ARHGEF3: variants seen among roughly 807,000 people sequenced by gnomAD.
The protein encoded by ARHGEF3 is Rho guanine nucleotide exchange factor 3, also known as 59.8 kDA protein.
Under a neutral mutation model 63.2 loss-of-function variants are expected in ARHGEF3, and 28 were observed. The ratio of observed to expected loss-of-function variants is 0.44; its 90% CI spans 0.33 to 0.61. The LOEUF (loss-of-function observed/expected upper bound fraction) is 0.61. Among genes scored for constraint, ARHGEF3 ranks in the 20% least tolerant of loss-of-function variants. The probability of loss-of-function intolerance (pLI) is 0.03; values close to 1 mark genes in which losing one functional copy is unlikely to be tolerated. For synonymous variants in ARHGEF3, 266 were observed against 254.2 expected (o/e 1.05, Z -0.44); for missense variants, 533 against 659.3 (o/e 0.81, Z 2.10).
intron 3 of ARHGEF3, among the ~76,000 whole-genome samples, chr3:56,895,250 G>A (rs976785654): frequency 1.3e-5 from 2 of 152,042 alleles, no homozygotes; most frequent in Admixed American, 6.6e-5. Context: ...GATTCTCTAC[G>A]GACTATCGCC....
chr3:56,989,637 G>T (rs1244047704), intron 2 of ARHGEF3, among the ~76,000 whole-genome samples: 2 of 152,132 alleles, frequency 1.3e-5, no homozygotes, highest in Non-Finnish European at 2.9e-5. Flanking sequence ...TCAAGCCCAG[G>T]ACAGCACTCA....
rs375632584 is a variant in ARHGEF3, at chr3:57,028,014, A to G, written c.62+7074T>C. On this transcript the variant is annotated intron_variant, in intron 2 of 12. Transcript: ENST00000338458. ...GAGATATCATCTCACATCAGTTAGA[A>G]TGGCAATCATTAAAAAGTCAGGAAA... 1.8e-4 allele frequency among the ~76,000 whole-genome samples: 27 copies of G among 152,068 alleles called. No individual in the cohort carries two copies. The East Asian group carries it at 2.1e-3, about 12-fold the overall frequency.
intron 2 of ARHGEF3, chr3:56,958,899 A>G (rs1216813117): frequency 1.4e-5 from 22 of 1,548,542 alleles, no homozygotes; most frequent in South Asian, 3.6e-5. Flanking sequence ...CCTAGAAGAG[A>G]AAAGACAATG....
chr3:56,884,497 C>G (rs1292404041), intron 3 of ARHGEF3, among the ~76,000 whole-genome samples: 2 of 152,212 alleles, frequency 1.3e-5, no homozygotes, highest in Admixed American at 1.3e-4. Flanking sequence ...TCCACTGAAA[C>G]AGTGGTGCAG....
At chr3:56,910,464 A>G (rs62251089) in intron 3 of ARHGEF3, among the ~76,000 whole-genome samples, 16,584 of 152,302 alleles carry the variant, frequency 0.11, 1,051 homozygotes, top group Middle Eastern at 0.15. Context: ...CAAAGCATGT[A>G]AAGTGGACCC....
At chr3:56,769,853 G>A (rs2035911774) in intron 2 of ARHGEF3, among the ~76,000 whole-genome samples, 2 of 152,180 alleles carry the variant, frequency 1.3e-5, no homozygotes, top group Non-Finnish European at 2.9e-5. Context: ...CCAGGGAAAA[G>A]GAATACTGCA....
At chr3:56,888,659 T>C (rs535428161) in intron 3 of ARHGEF3, among the ~76,000 whole-genome samples, 3 of 152,190 alleles carry the variant, frequency 2.0e-5, no homozygotes, top group South Asian at 2.1e-4. Context: ...TTCCAGCACA[T>C]TGGGAGGCCG....
chr3:56,760,640 T>A (rs1185286680), intron 2 of ARHGEF3, among the ~76,000 whole-genome samples: 1 of 152,168 alleles, frequency 6.6e-6, no homozygotes, highest in African/African-American at 2.4e-5. Context: ...AGGAGGAAAC[T>A]GAGGTTGAGG....
At chr3:56,760,428 G>A (rs1321145406) in intron 2 of ARHGEF3, among the ~76,000 whole-genome samples, 3 of 152,170 alleles carry the variant, frequency 2.0e-5, no homozygotes, top group Non-Finnish European at 4.4e-5. Flanking sequence ...TGGGAAAAAA[G>A]AGAGCAGTAA....
At chr3:56,770,003 T>G (rs546851547) in intron 2 of ARHGEF3, among the ~76,000 whole-genome samples, 1 of 152,302 alleles carries the variant, frequency 6.6e-6, no homozygotes, top group African/African-American at 2.4e-5. Flanking sequence ...TGTTTCTCCC[T>G]TATTGGAAAG....
In ARHGEF3 at chr3:57,043,417, C is replaced by A. The variant is rs114880753; in HGVS notation, c.-27-8241G>T. On this transcript the variant is annotated intron_variant, in intron 1 of 12. Transcript: ENST00000338458. ...GGCATGAGCCACAGCGCCTGGCTGC[C>A]ACTAGCATTTTACAACACCAACACC... Among the ~76,000 whole-genome samples the A allele has an allele frequency of 2.0e-3, 301 of 151,862 alleles. 1 individual carries two copies. Among genetic ancestry groups the A allele is most frequent in the African/African-American group, 6.7e-3 (278 of 41,404 alleles).
chr3:56,895,476 T>TTTA (rs1560029425), intron 3 of ARHGEF3, among the ~76,000 whole-genome samples: 1 of 151,874 alleles, frequency 6.6e-6, no homozygotes, highest in African/African-American at 2.4e-5. Flanking sequence ...TTATTTATTT[T>TTTA]TTTTTGAGAT....
chr3:56,975,617 C>T lies in ARHGEF3; in HGVS notation c.63-16728G>A, dbSNP rs72872107. 5.6e-3 allele frequency: 1,227 copies of T among 220,860 alleles called. 18 individuals carry two copies. The highest frequency in any genetic ancestry group is 0.027 in the African/African-American group (1,151 of 43,024). The allele number at this position is 220,860 out of a possible 1,614,324, so 13.7% of individuals were successfully genotyped here. ...GGCTCAGACAGGTTAAGTGACTTGC[C>T]CAAAATCACACAGCTAGTAGGCATC... On this transcript the variant is annotated intron_variant, in intron 2 of 12. Transcript: ENST00000338458.
At chr3:57,046,527 G>A (rs772727255) in intron 1 of ARHGEF3, among the ~76,000 whole-genome samples, 4 of 152,198 alleles carry the variant, frequency 2.6e-5, no homozygotes, top group South Asian at 2.1e-4. Context: ...ACTGGAGGGC[G>A]AATTCTAAAG....
intron 2 of ARHGEF3, among the ~76,000 whole-genome samples, chr3:56,971,528 A>C (rs1700911001): frequency 6.6e-6 from 1 of 152,056 alleles, no homozygotes; most frequent in Admixed American, 6.6e-5. Flanking sequence ...TCAGGCCCCA[A>C]CATGACCCTT....
upstream of ARHGEF3, among the ~76,000 whole-genome samples, chr3:56,803,782 C>T (rs774333995): frequency 6.6e-6 from 1 of 152,084 alleles, no homozygotes; most frequent in Non-Finnish European, 1.5e-5. Flanking sequence ...AGCCTGGTGA[C>T]AGAGTGAGAC....
intron 2 of ARHGEF3, among the ~76,000 whole-genome samples, chr3:56,974,655 T>C (rs1258269275): frequency 6.6e-6 from 1 of 152,150 alleles, no homozygotes; most frequent in Non-Finnish European, 1.5e-5. Context: ...GGGATCGTTC[T>C]CCCTCTCCCC....
Position 56,862,796 on chromosome 3 carries a change from C to T in ARHGEF3, c.192+19496G>A, listed in dbSNP as rs144895707. ...GACAAAGGATTCCCAACTTATAGGA[C>T]GCAAGAGTCAAATGCACCCCCTTAG... On this transcript the variant is annotated intron_variant, in intron 4 of 12. Transcript: ENST00000338458. Among the ~76,000 whole-genome samples, 110 of 152,284 alleles carry T rather than the reference C, an allele frequency of 7.2e-4. 3 individuals carry two copies. In the South Asian group the frequency reaches 0.02, roughly 27 times the overall value.
intron 3 of ARHGEF3, among the ~76,000 whole-genome samples, chr3:56,901,353 C>A (rs10866004): frequency 0.34 from 50,818 of 147,318 alleles, 8,869 homozygotes; most frequent in Non-Finnish European, 0.4. Flanking sequence ...GGAGAGTAAA[C>A]AAGAGAGTGG....
Sources: gnomAD v4.1 joint callset for allele counts (sites outside exome capture counted in the v4.1 genomes callset) on GRCh38, gnomAD v4.1.1 for gene constraint, MANE v1.5 for transcripts, NCBI Gene and HGNC (gene_info 2026-07-23, HGNC 2026-07-21) for gene names.